FRMD4A: variants seen among roughly 807,000 people sequenced by gnomAD.
The protein encoded by FRMD4A is FERM domain containing 4A, also known as FERM domain-containing protein 4A.
FRMD4A carries 29 observed loss-of-function variants against 129.1 expected under a neutral mutation model. That is an observed-to-expected ratio of 0.22 (90% confidence interval 0.17 to 0.31). The LOEUF is 0.31. FRMD4A is among the 10% of genes least tolerant of loss of function. The probability of loss-of-function intolerance (pLI) is 1.00; values close to 1 mark genes in which losing one functional copy is unlikely to be tolerated. For synonymous variants in FRMD4A, 634 were observed against 571.6 expected (o/e 1.11, Z -1.56); for missense variants, 1,272 against 1,375.8 (o/e 0.92, Z 1.19).
chr10:13,717,171 T>C (rs976292830), intron 12 of FRMD4A, among the ~76,000 whole-genome samples: 1 of 152,212 alleles, frequency 6.6e-6, no homozygotes, highest in Non-Finnish European at 1.5e-5. Flanking sequence ...CTACCTGCTA[T>C]GACAGACCTC....
At chr10:14,052,934 A>C (rs1465440469) in intron 2 of FRMD4A, among the ~76,000 whole-genome samples, 7 of 152,220 alleles carry the variant, frequency 4.6e-5, no homozygotes, top group Admixed American at 2.6e-4. Flanking sequence ...TACTGCAAGG[A>C]GGGTGCCAAG....
chr10:14,080,922 G>T (rs1230248525), intron 2 of FRMD4A, among the ~76,000 whole-genome samples: 1 of 151,872 alleles, frequency 6.6e-6, no homozygotes, highest in Non-Finnish European at 1.5e-5. Flanking sequence ...GCAGTGGGGA[G>T]CACTCTGCTG....
chr10:13,657,052 G>C lies in FRMD4A; in HGVS notation c.2537C>G (p.Thr846Arg), dbSNP rs139520397. 1.3e-6 allele frequency: 2 copies of C among 1,572,676 alleles called. No individual in the cohort carries two copies. The highest frequency in any genetic ancestry group is 1.7e-5 in the Admixed American group (1 of 57,502). ...CTCCAGGCTGCGCACCACCACGGGC[G>C]TGGCGCCGCCCTCGATGTACAGCGG... ...EYPLYIEGGA[T>R]PVVVRSLESD... is the part of the protein sequence containing the mutation. The change falls in exon 22 of 25, where the codon ACG becomes AGG. Residue 846 changes from threonine (T) to arginine (R), a missense_variant. Thr to Arg is a moderately conservative substitution (Grantham distance 71). Transcript: ENST00000357447.
At chr10:14,320,156 C>G (rs1846919379) in intron 2 of FRMD4A, among the ~76,000 whole-genome samples, 1 of 152,204 alleles carries the variant, frequency 6.6e-6, no homozygotes, top group Non-Finnish European at 1.5e-5. Context: ...CCCCAGCACA[C>G]CCTGCCTTCC....
Position 14,028,569 on chromosome 10 carries a change from T to A in FRMD4A, c.46-169657A>T, listed in dbSNP as rs118123711. On this transcript the variant is annotated intron_variant, in intron 2 of 24. Transcript: ENST00000357447. Reference sequence around the variant, plus strand: ...CATATCTCTTATGAAAATCCAGATATTAAAAACATTTTGTCCAAATTTAAT... The same window carrying A: ...CATATCTCTTATGAAAATCCAGATAATAAAAACATTTTGTCCAAATTTAAT... Among the ~76,000 whole-genome samples, 9 of 152,162 alleles carry A rather than the reference T, an allele frequency of 5.9e-5. No individual in the cohort carries two copies. In the East Asian group the frequency reaches 1.7e-3, roughly 29 times the overall value.
At position 14,193,210 on chromosome 10, in the gene FRMD4A, A is replaced by G. The variant is rs549122727; in HGVS notation, c.45+136848T>C. ...TCTGTAAACCAATGAACAGTACTTT[A>G]CCTTGCTTTCTCCCTGATAGGTTGC... On this transcript the variant is annotated intron_variant, in intron 2 of 24. Transcript: ENST00000357447. 5.3e-5 allele frequency among the ~76,000 whole-genome samples: 8 copies of G among 152,328 alleles called. No individual in the cohort carries two copies. The South Asian group carries it at 1.7e-3, about 32-fold the overall frequency.
At chr10:14,106,980 A>T (rs1487008138) in intron 2 of FRMD4A, among the ~76,000 whole-genome samples, 1 of 152,258 alleles carries the variant, frequency 6.6e-6, no homozygotes, top group Admixed American at 6.5e-5. Flanking sequence ...CTGGATAAAG[A>T]AAATGTGGTA....
chr10:14,194,568 A>G (rs183334262), intron 2 of FRMD4A, among the ~76,000 whole-genome samples: 3,982 of 152,180 alleles, frequency 0.026, 103 homozygotes, highest in East Asian at 0.1. Context: ...CCGAGATCGC[A>G]CCACTGCACT....
chr10:13,693,711 T>A, intron 15 of FRMD4A, 187 bp downstream of exon 15: 4 of 697,750 alleles, frequency 5.7e-6, no homozygotes, highest in African/African-American at 1.9e-5. Context: ...TCCCTTCCAC[T>A]ATTTGATTCC....
intron 2 of FRMD4A, among the ~76,000 whole-genome samples, chr10:13,884,103 AACAC>A (rs57338480): frequency 0.19 from 19,582 of 101,900 alleles, 3,139 homozygotes; most frequent in Non-Finnish European, 0.22. Context: ...ATGGAAAAGA[AACAC>A]ACACACACAC....
intron 2 of FRMD4A, among the ~76,000 whole-genome samples, chr10:14,119,555 G>A (rs150325398): frequency 5.3e-4 from 81 of 152,272 alleles, no homozygotes; most frequent in African/African-American, 1.9e-3. Flanking sequence ...TGAGGTTATC[G>A]CAACACCAAG....
At chr10:13,855,198 G>A (rs936581506) in intron 3 of FRMD4A, among the ~76,000 whole-genome samples, 9 of 152,230 alleles carry the variant, frequency 5.9e-5, no homozygotes, top group Non-Finnish European at 1.0e-4. Context: ...TGTTATGCTC[G>A]GAGTGGCCGA....
At chr10:13,799,243 C>T (rs143846033) in intron 4 of FRMD4A, among the ~76,000 whole-genome samples, 35 of 152,316 alleles carry the variant, frequency 2.3e-4, no homozygotes, top group African/African-American at 7.0e-4. Flanking sequence ...TTGCAACCTC[C>T]GCCCTCCGGG....
At chr10:13,652,012 G>A (rs2081652108) in intron 23 of FRMD4A, 38 bp from the exon 24 acceptor site, 3 of 1,104,634 alleles carry the variant, frequency 2.7e-6, no homozygotes, top group Non-Finnish European at 4.2e-6. Flanking sequence ...GAGAAGAGAG[G>A]TCATGTTACA....
intron 2 of FRMD4A, among the ~76,000 whole-genome samples, chr10:14,178,985 T>C (rs1288313952): frequency 1.3e-5 from 2 of 152,128 alleles, no homozygotes; most frequent in East Asian, 1.9e-4. Context: ...GAGCCACCCT[T>C]CTTTCATATT....
intron 2 of FRMD4A, among the ~76,000 whole-genome samples, chr10:14,032,470 A>G (rs1378927440): frequency 6.6e-6 from 1 of 152,224 alleles, no homozygotes; most frequent in Admixed American, 6.5e-5. Context: ...GGCTAAAACA[A>G]AGCATTATCA....
intron 3 of FRMD4A, among the ~76,000 whole-genome samples, chr10:13,816,541 G>A (rs1041470461): frequency 6.6e-6 from 1 of 152,182 alleles, no homozygotes; most frequent in Non-Finnish European, 1.5e-5. Flanking sequence ...AAAACAATTT[G>A]TGGCATCAGC....
At chr10:13,699,468 A>G (rs547187826) in intron 14 of FRMD4A, among the ~76,000 whole-genome samples, 6 of 152,166 alleles carry the variant, frequency 3.9e-5, no homozygotes, top group Non-Finnish European at 7.3e-5. Flanking sequence ...GAATGAGCCC[A>G]TCTTCCCGGG....
chr10:14,279,738 A>G (rs1845456904), intron 2 of FRMD4A, among the ~76,000 whole-genome samples: 1 of 152,198 alleles, frequency 6.6e-6, no homozygotes, highest in Non-Finnish European at 1.5e-5. Flanking sequence ...TGTGGAGTCA[A>G]TGTGCATGAT....
Sources: allele counts gnomAD v4.1 joint callset (sites outside exome capture counted in the v4.1 genomes callset), GRCh38; gene constraint gnomAD v4.1.1; transcripts MANE v1.5; gene names NCBI Gene and HGNC (gene_info 2026-07-23, HGNC 2026-07-21).